The following PCDH11X variants were observed in gnomAD, a reference collection of about 807,000 sequenced individuals.
PCDH11X encodes protocadherin-11 X-linked.
Under a neutral mutation model 53.3 loss-of-function variants are expected in PCDH11X, and 18 were observed. The observed-to-expected ratio is 0.34, with a 90% CI of 0.23 to 0.50. The LOEUF is 0.50. Among genes scored for constraint, PCDH11X ranks in the 20% least tolerant of loss-of-function variants. PCDH11X has a pLI of 0.98. For missense variants in PCDH11X, 570 were observed against 1,032.4 expected (o/e 0.55, Z 6.14); for synonymous variants, 279 against 393.3 (o/e 0.71, Z 3.44).
intron 6 of PCDH11X, among the ~76,000 whole-genome samples, chrX:92,054,450 T>G (rs1191105965): frequency 8.9e-6 from 1 of 111,852 alleles, no homozygotes; most frequent in Non-Finnish European, 1.9e-5. Flanking sequence ...TAAGAAATTT[T>G]TACAGGATTC....
chrX:92,419,826 C>T (rs1200003696), intron 9 of PCDH11X, among the ~76,000 whole-genome samples: 2 of 107,065 alleles, frequency 1.9e-5, no homozygotes, highest in African/African-American at 6.8e-5. Context: ...ACTACAGGCG[C>T]GCGCCACCAT....
chrX:91,900,906 G>A (rs1358957960), intron 6 of PCDH11X, among the ~76,000 whole-genome samples: 2 of 111,499 alleles, frequency 1.8e-5, no homozygotes, highest in Non-Finnish European at 1.9e-5. Context: ...CAAGTAAGGC[G>A]ATTTCAGAAA....
At chrX:92,268,857 T>C (rs1367691750) in intron 8 of PCDH11X, among the ~76,000 whole-genome samples, 2 of 112,175 alleles carry the variant, frequency 1.8e-5, no homozygotes, top group Non-Finnish European at 3.8e-5. Context: ...ATAACATCAG[T>C]CTGGCCAACC....
intron 6 of PCDH11X, among the ~76,000 whole-genome samples, chrX:92,122,155 G>A (rs748023471): frequency 1.7e-4 from 18 of 109,040 alleles, no homozygotes; most frequent in African/African-American, 5.7e-4. Context: ...GCTAATTTTT[G>A]CATTTTTAGT....
intron 10 of PCDH11X, among the ~76,000 whole-genome samples, chrX:92,512,286 CT>C (rs2074175570): frequency 1.8e-5 from 2 of 111,925 alleles, no homozygotes; most frequent in South Asian, 7.4e-4. Context: ...AGTGCTTCCT[CT>C]TATGAAAAGA....
intron 10 of PCDH11X, among the ~76,000 whole-genome samples, chrX:92,472,921 C>G (rs774253464): frequency 4.5e-5 from 5 of 110,253 alleles, no homozygotes; most frequent in African/African-American, 1.7e-4. Context: ...CTCAGCTTAA[C>G]TGTTGTTGAT....
chrX:92,533,282 G>C (rs1466328498), intron 10 of PCDH11X, among the ~76,000 whole-genome samples: 2 of 110,688 alleles, frequency 1.8e-5, no homozygotes, highest in East Asian at 5.7e-4. Context: ...CCTATAACAG[G>C]TCCTGCTCTA....
chrX:92,568,751 A>AAC (rs963618705), intron 10 of PCDH11X, among the ~76,000 whole-genome samples: 1 of 110,563 alleles, frequency 9.0e-6, no homozygotes, highest in African/African-American at 3.3e-5. Context: ...ATTATGCAAA[A>AAC]AAAATTATAA....
intron 6 of PCDH11X, among the ~76,000 whole-genome samples, chrX:92,059,550 G>A (rs1425100828): frequency 9.0e-6 from 1 of 110,678 alleles, no homozygotes; most frequent in African/African-American, 3.3e-5. Context: ...AAGCCCCAAT[G>A]GTGAGAACAA....
chrX:92,539,111 A>G (rs1245390949), intron 10 of PCDH11X, among the ~76,000 whole-genome samples: 2 of 109,703 alleles, frequency 1.8e-5, no homozygotes, highest in Non-Finnish European at 3.8e-5. Flanking sequence ...GGTGTTTTGT[A>G]ACCTCTTTGT....
At chrX:91,970,439 G>T (rs1368639509) in intron 6 of PCDH11X, among the ~76,000 whole-genome samples, 1 of 111,176 alleles carries the variant, frequency 9.0e-6, no homozygotes, top group East Asian at 2.8e-4. Context: ...AGATAGAAAA[G>T]TTCTCCAAGT....
chrX:91,880,456 A>T (rs1008177017), intron 6 of PCDH11X, among the ~76,000 whole-genome samples: 27 of 111,728 alleles, frequency 2.4e-4, no homozygotes, highest in Non-Finnish European at 4.5e-4. Flanking sequence ...TACTGCATTC[A>T]AGATAGCAAT....
chrX:92,245,538 A>T (rs1386734914), intron 7 of PCDH11X, among the ~76,000 whole-genome samples: 1 of 112,610 alleles, frequency 8.9e-6, no homozygotes, highest in Non-Finnish European at 1.9e-5. Flanking sequence ...CTCTGTGAGG[A>T]CAAAGATGAG....
At chrX:91,901,481 A>G (rs1940952247) in intron 6 of PCDH11X, among the ~76,000 whole-genome samples, 1 of 111,764 alleles carries the variant, frequency 8.9e-6, no homozygotes, top group Admixed American at 9.6e-5. Context: ...TTATCAACTC[A>G]TAAGATTTAT....
chrX:92,601,996 G>A (rs1228245877), intron 10 of PCDH11X, among the ~76,000 whole-genome samples: 1 of 112,056 alleles, frequency 8.9e-6, no homozygotes, highest in Non-Finnish European at 1.9e-5. Flanking sequence ...TTCACTTATA[G>A]GGTAGAAATC....
At chrX:92,092,835 A>G (rs2064071143) in intron 6 of PCDH11X, among the ~76,000 whole-genome samples, 1 of 111,582 alleles carries the variant, frequency 9.0e-6, no homozygotes, top group African/African-American at 3.3e-5. Flanking sequence ...TCCTTGCCCA[A>G]ATCTCATGTC....
intron 6 of PCDH11X, among the ~76,000 whole-genome samples, chrX:92,121,806 A>T (rs1428869881): frequency 3.7e-5 from 4 of 108,251 alleles, no homozygotes; most frequent in Non-Finnish European, 7.6e-5. Context: ...GCTCACTGCA[A>T]CCTCCACCTT....
At chrX:92,236,041 T>C (rs1041429792) in intron 7 of PCDH11X, among the ~76,000 whole-genome samples, 33 of 111,981 alleles carry the variant, frequency 2.9e-4, no homozygotes, top group African/African-American at 1.0e-3. Context: ...ATTTTTCATA[T>C]AACAAAATGC....
intron 6 of PCDH11X, among the ~76,000 whole-genome samples, chrX:91,945,048 C>CATATACATATATATATATAT (rs2061556096): frequency 3.2e-5 from 2 of 63,221 alleles, no homozygotes; most frequent in Admixed American, 2.6e-4. Context: ...ACATCATATA[C>CATATACATATATATATATAT]ATATATATAT....
Sources: gnomAD v4.1 joint callset for allele counts (sites outside exome capture counted in the v4.1 genomes callset) on GRCh38, gnomAD v4.1.1 for gene constraint, MANE v1.5 for transcripts, NCBI Gene and HGNC (gene_info 2026-07-23, HGNC 2026-07-21) for gene names.